Variants in ZBTB7C observed in about 807,000 individuals in gnomAD.
ZBTB7C encodes the protein zinc finger and BTB domain containing 7C.
ZBTB7C carries 8 observed loss-of-function variants against 25.7 expected under a neutral mutation model. That is an observed-to-expected ratio of 0.31 (90% CI 0.18 to 0.56). The LOEUF is 0.56. ZBTB7C is among the 20% of genes least tolerant of loss of function. The pLI, the probability that ZBTB7C is intolerant of heterozygous loss-of-function variation, is 0.91. For synonymous variants in ZBTB7C, 394 were observed against 369.0 expected (o/e 1.07, Z -0.78); for missense variants, 824 against 855.2 (o/e 0.96, Z 0.46).
rs528280831 is a variant in ZBTB7C at position 48,366,799 on chromosome 18, C to A, written c.-303-28401G>T. Among the ~76,000 whole-genome samples the A allele has an allele frequency of 2.0e-5, 3 of 152,262 alleles. No homozygotes were observed. The South Asian group carries it at 6.2e-4, about 32-fold the overall frequency. On this transcript the variant is annotated intron_variant, in intron 1 of 4. Coordinates refer to ENST00000590800, the MANE Select transcript of ZBTB7C (RefSeq NM_001318841.2). ...TAAATTTAAGTGCTTTCTAAACCAG[C>A]GAGTGTATAACAATTCTTATCTACA...
At chr18:48,173,145 T>C (rs1485731185) in intron 3 of ZBTB7C, among the ~76,000 whole-genome samples, 1 of 152,212 alleles carries the variant, frequency 6.6e-6, no homozygotes, top group Admixed American at 6.5e-5. Context: ...TAATTTTCTA[T>C]TCCTACATTG....
Position 48,040,800 on chromosome 18 carries a change from T to C in ZBTB7C, c.308A>G (p.Asn103Ser). ...GGCTGCGTTGAGGATGTGCTTGACA[T>C]TGCCAGCGGTGATGGTGAGCGTGGA... ...YTSTLTITAG[N>S]VKHILNAARM... The change falls in exon 4 of 5, where the codon AAT becomes AGT. Residue 103 changes from asparagine to serine, a missense_variant. Asn to Ser is a conservative substitution (Grantham distance 46, BLOSUM62 1). Around this residue, in one of 4 missense-constraint regions of ZBTB7C, gnomAD observed 117 missense variants for 167.7 expected, o/e 0.70. Coordinates refer to ENST00000590800, the MANE Select transcript of ZBTB7C (RefSeq NM_001318841.2). The C allele has an allele frequency of 6.2e-7, 1 of 1,613,946 alleles. No individual in the cohort carries two copies. The highest frequency in any genetic ancestry group is 1.1e-5 in the South Asian group (1 of 91,066).
intron 2 of ZBTB7C, among the ~76,000 whole-genome samples, chr18:48,310,437 A>AG (rs1023037630): frequency 6.6e-6 from 1 of 151,902 alleles, no homozygotes. Context: ...GTTTAAAAAA[A>AG]AAAAAAACTA....
At chr18:48,144,328 C>T (rs1157844444) in intron 3 of ZBTB7C, among the ~76,000 whole-genome samples, 3 of 151,928 alleles carry the variant, frequency 2.0e-5, no homozygotes, top group African/African-American at 7.3e-5. Flanking sequence ...GTAACAACTA[C>T]ATAAACAAAA....
intron 3 of ZBTB7C, among the ~76,000 whole-genome samples, chr18:48,061,654 G>A (rs1036941782): frequency 5.3e-5 from 8 of 152,228 alleles, no homozygotes; most frequent in African/African-American, 1.9e-4. Flanking sequence ...ACCCAGGGTT[G>A]GGGTACAGCC....
rs1439018869 is a variant in ZBTB7C at position 48,161,369 on chromosome 18, AG to A, written c.-17+24564del. Among the ~76,000 whole-genome samples the A allele has an allele frequency of 2.1e-5, 3 of 141,422 alleles. No homozygotes were observed. The East Asian group carries it at 7.4e-4, about 35-fold the overall frequency. 92.8% of individuals were successfully genotyped at this position (141,422 alleles called of 152,430 possible). A position where few individuals can be genotyped will look rare whatever the true frequency, so the allele number is the denominator to read the frequency against. On this transcript the variant is annotated intron_variant, in intron 3 of 4. Coordinates refer to ENST00000590800, the MANE Select transcript of ZBTB7C (RefSeq NM_001318841.2). ...AAGAGCCAGCTCAGAGAGGGGAGGA[AG>A]GGAGGGCGGGTCAGGAGACAGGGTG... is the stretch of plus-strand genomic sequence containing the variant.
At position 48,204,064 on chromosome 18, in the gene ZBTB7C, C is replaced by CA. The variant is rs1480793087; in HGVS notation, c.-78-18070_-78-18069insT. 3.2e-4 allele frequency among the ~76,000 whole-genome samples: 48 copies of CA among 152,326 alleles called. No individual in the cohort carries two copies. In the East Asian group the frequency reaches 8.5e-3, roughly 27 times the overall value. On this transcript the variant is annotated intron_variant, in intron 2 of 4. Coordinates refer to ENST00000590800, the MANE Select transcript of ZBTB7C (RefSeq NM_001318841.2). ...CTTGCACACCTGGGAGATGGGGGCT[C>CA]CCCCTCAGGCCCTCACCCCTTCTCT...
At chr18:48,272,849 G>C (rs548951181) in intron 2 of ZBTB7C, among the ~76,000 whole-genome samples, 1 of 152,234 alleles carries the variant, frequency 6.6e-6, no homozygotes, top group East Asian at 1.9e-4. Flanking sequence ...ATTTATGCTA[G>C]GACATGGATG....
intron 2 of ZBTB7C, among the ~76,000 whole-genome samples, chr18:48,315,285 C>T (rs1200518790): frequency 6.6e-6 from 1 of 152,124 alleles, no homozygotes. Flanking sequence ...GCTCACAGGA[C>T]TCGGGGATTT....
intron 2 of ZBTB7C, among the ~76,000 whole-genome samples, chr18:48,274,623 T>C (rs1287429187): frequency 6.6e-5 from 10 of 152,360 alleles, no homozygotes; most frequent in Admixed American, 2.0e-4. Flanking sequence ...AAGTCACACC[T>C]GACTCATCCC....
chr18:48,369,509 C>T (rs374376234), intron 1 of ZBTB7C, among the ~76,000 whole-genome samples: 28 of 151,978 alleles, frequency 1.8e-4, no homozygotes, highest in African/African-American at 6.8e-4. Flanking sequence ...AAAAAATTCA[C>T]TTTAAAAATA....
At chr18:48,216,169 G>A (rs1366113845) in intron 2 of ZBTB7C, among the ~76,000 whole-genome samples, 1 of 152,154 alleles carries the variant, frequency 6.6e-6, no homozygotes, top group African/African-American at 2.4e-5. Context: ...TTTATTTTTG[G>A]TTTATACCAG....
chr18:48,226,887 G>A (rs2043110649), intron 2 of ZBTB7C, among the ~76,000 whole-genome samples: 1 of 151,972 alleles, frequency 6.6e-6, no homozygotes, highest in South Asian at 2.1e-4. Flanking sequence ...AGGCGTGATG[G>A]CACACAACTG....
At chr18:48,404,200 C>T (rs1224040026) in intron 1 of ZBTB7C, among the ~76,000 whole-genome samples, 3 of 152,018 alleles carry the variant, frequency 2.0e-5, no homozygotes, top group South Asian at 2.1e-4. Context: ...TGCAGTGAGC[C>T]GAGATCGTGC....
intron 3 of ZBTB7C, chr18:48,072,739 C>G (rs1246917542): frequency 1.3e-5 from 2 of 152,228 alleles, no homozygotes; most frequent in East Asian, 3.8e-4. Flanking sequence ...ATCCCACCTC[C>G]CTGTGGGGAA....
At chr18:48,254,220 C>T (rs980514112) in intron 2 of ZBTB7C, among the ~76,000 whole-genome samples, 1 of 152,218 alleles carries the variant, frequency 6.6e-6, no homozygotes, top group South Asian at 2.1e-4. Flanking sequence ...AAGCTGGAAG[C>T]TTACATGGGT....
intron 3 of ZBTB7C, among the ~76,000 whole-genome samples, chr18:48,122,902 T>C (rs892579247): frequency 3.3e-5 from 5 of 152,112 alleles, no homozygotes; most frequent in Non-Finnish European, 7.4e-5. Flanking sequence ...CTGCATGCAC[T>C]CTAACCGCCC....
At chr18:48,398,192 T>C (rs1186619781) in intron 1 of ZBTB7C, among the ~76,000 whole-genome samples, 2 of 152,190 alleles carry the variant, frequency 1.3e-5, no homozygotes, top group Non-Finnish European at 2.9e-5. Flanking sequence ...CAGGGACAAG[T>C]CCTGGGATCT....
At chr18:48,331,197 C>T (rs777760756) in intron 2 of ZBTB7C, among the ~76,000 whole-genome samples, 9 of 152,168 alleles carry the variant, frequency 5.9e-5, no homozygotes, top group Non-Finnish European at 1.2e-4. Context: ...GTGTCTTAGA[C>T]GGCACCTTGC....
Sources: gnomAD v4.1 joint callset for allele counts (sites outside exome capture counted in the v4.1 genomes callset) on GRCh38, gnomAD v4.1.1 for gene constraint, gnomAD v4.1.1 regional missense constraint, MANE v1.5 for transcripts, NCBI Gene and HGNC (gene_info 2026-07-23, HGNC 2026-07-21) for gene names.